Variants in EVC2 observed in about 807,000 individuals in gnomAD.
EVC2 encodes the protein EvC ciliary complex subunit 2.
A neutral mutation model predicts 149.3 loss-of-function variants in EVC2; 148 were observed. The observed-to-expected ratio is 0.99, with a 90% CI of 0.87 to 1.14. EVC2 has a LOEUF of 1.14. EVC2 is among the 50% of genes most tolerant of loss of function. The probability of loss-of-function intolerance (pLI) is 0.00; values close to 1 mark genes in which losing one functional copy is unlikely to be tolerated. For missense variants in EVC2, 1,854 were observed against 1,627.3 expected (o/e 1.14, Z -2.40); for synonymous variants, 776 against 649.9 (o/e 1.19, Z -2.95).
At chr4:5,543,484 TG>T (rs1397149119) in intron 21 of EVC2, among the ~76,000 whole-genome samples, 1 of 152,036 alleles carries the variant, frequency 6.6e-6, no homozygotes, top group Non-Finnish European at 1.5e-5. Flanking sequence ...TAGGAGTTGG[TG>T]GGGAGAGGTT....
intron 16 of EVC2, among the ~76,000 whole-genome samples, chr4:5,604,247 A>G (rs1714214620): frequency 6.6e-6 from 1 of 152,218 alleles, no homozygotes; most frequent in South Asian, 2.1e-4. Context: ...GTGAAATGCT[A>G]TGCCGCTGTG....
At chr4:5,555,049 C>T (rs1481627722) in intron 21 of EVC2, among the ~76,000 whole-genome samples, 1 of 89,326 alleles carries the variant, frequency 1.1e-5, no homozygotes, top group African/African-American at 4.4e-5. Flanking sequence ...TGTGTCTCTG[C>T]ACATGCATGT....
intron 9 of EVC2, among the ~76,000 whole-genome samples, chr4:5,652,085 C>A (rs1166289651): frequency 1.3e-5 from 2 of 152,194 alleles, no homozygotes; most frequent in African/African-American, 4.8e-5. Flanking sequence ...TGTGACCCAA[C>A]CGAGTTCACT....
intron 15 of EVC2, among the ~76,000 whole-genome samples, chr4:5,617,111 A>G (rs888918660): frequency 1.4e-4 from 21 of 150,842 alleles, no homozygotes; most frequent in African/African-American, 5.2e-4. Context: ...TAAAAAAAAA[A>G]TTAAAAGAAT....
chr4:5,552,878 T>C (rs1015692018), intron 21 of EVC2, among the ~76,000 whole-genome samples: 1 of 152,166 alleles, frequency 6.6e-6, no homozygotes, highest in Non-Finnish European at 1.5e-5. Context: ...TGATGATCTG[T>C]GCATACAGAG....
intron 21 of EVC2, among the ~76,000 whole-genome samples, chr4:5,550,933 C>T (rs1266855955): frequency 4.6e-5 from 7 of 152,194 alleles, no homozygotes; most frequent in East Asian, 1.9e-4. Flanking sequence ...TTGGCAGCCA[C>T]GTGGTGTTGA....
intron 10 of EVC2, among the ~76,000 whole-genome samples, chr4:5,634,137 C>A (rs1287484387): frequency 6.6e-6 from 1 of 152,194 alleles, no homozygotes; most frequent in Non-Finnish European, 1.5e-5. Flanking sequence ...TCTGTCAGGA[C>A]CCTTGCCCAT....
At chr4:5,685,064 G>A (rs752048102) in intron 6 of EVC2, among the ~76,000 whole-genome samples, 33 of 152,186 alleles carry the variant, frequency 2.2e-4, no homozygotes, top group Non-Finnish European at 1.3e-4. Context: ...GGTAACTACC[G>A]GTTAGTTGCT....
In EVC2 at chr4:5,568,582, C is replaced by G. The variant is rs779684008; in HGVS notation, c.3419G>C (p.Arg1140Pro). ...RMAMVPGATL[R>P]RLLSVVLPTA... is the part of the protein sequence containing the mutation. The stretch of plus-strand genomic sequence containing the variant: ...GGGCAGTACCACACTCAGGAGCCGG[C>G]GAAGCGTGGCCCCGGGCACCATGGC... The change falls in exon 20 of 22, where the codon CGC becomes CCC. Residue 1140 changes from arginine to proline, a missense_variant. Transcript: ENST00000344408. The G allele has an allele frequency of 1.2e-6, 2 of 1,607,788 alleles. No homozygotes were observed. The highest frequency in any genetic ancestry group is 1.7e-6 in the Non-Finnish European group (2 of 1,179,598).
chr4:5,703,074 G>A (rs1230550563), intron 1 of EVC2, among the ~76,000 whole-genome samples: 2 of 152,064 alleles, frequency 1.3e-5, no homozygotes, highest in African/African-American at 4.8e-5. Flanking sequence ...TAGGTTCATG[G>A]CAACTGTGAC....
chr4:5,576,495 G>C lies in EVC2; in HGVS notation c.3058-41C>G, dbSNP rs1200333406. 1.3e-6 allele frequency: 2 copies of C among 1,547,230 alleles called. No individual in the cohort carries two copies. Among genetic ancestry groups the C allele is most frequent in the Non-Finnish European group, 1.7e-6 (2 of 1,150,152 alleles). ...GCAGAGGGTAAGCACCACTGCACAA[G>C]GCGGGTGGGGTGGAGGACAAAATCT... On this transcript the variant is annotated intron_variant, in intron 17 of 21. Transcript: ENST00000344408. The surrounding 1 kb of genome is among the most constrained non-coding windows in gnomAD (Gnocchi z 4.5).
At chr4:5,683,382 T>C (rs1345979596) in intron 6 of EVC2, among the ~76,000 whole-genome samples, 3 of 152,206 alleles carry the variant, frequency 2.0e-5, no homozygotes, top group Non-Finnish European at 4.4e-5. Flanking sequence ...TGTCTTCAGC[T>C]CTTTGTGAAA....
intron 15 of EVC2, among the ~76,000 whole-genome samples, chr4:5,617,121 T>G (rs1008742967): frequency 6.6e-6 from 1 of 152,114 alleles, no homozygotes; most frequent in South Asian, 2.1e-4. Context: ...ATTAAAAGAA[T>G]GTCAAAGATT....
chr4:5,695,488 TC>T (rs529762508), intron 2 of EVC2, among the ~76,000 whole-genome samples: 47 of 152,280 alleles, frequency 3.1e-4, no homozygotes, highest in African/African-American at 1.1e-3. Context: ...GCTGTCAGGG[TC>T]CCTCTTCAGT....
chr4:5,583,961 G>A (rs1023127415), intron 17 of EVC2, among the ~76,000 whole-genome samples: 7 of 151,630 alleles, frequency 4.6e-5, no homozygotes, highest in African/African-American at 1.7e-4. Context: ...GGGTTCAAGC[G>A]ATTCTCCTGC....
At chr4:5,702,705 TAAG>T (rs946392295) in intron 1 of EVC2, among the ~76,000 whole-genome samples, 4 of 152,222 alleles carry the variant, frequency 2.6e-5, no homozygotes, top group African/African-American at 9.7e-5. Flanking sequence ...TCTCTCTTTG[TAAG>T]AAGAAGGGAT....
chr4:5,681,342 A>T, intron 6 of EVC2, 29 bp from the exon 7 acceptor site: 1 of 1,613,736 alleles, frequency 6.2e-7, no homozygotes, highest in South Asian at 1.1e-5. Context: ...AAACACTTTC[A>T]GCAACAGTTT....
intron 21 of EVC2, among the ~76,000 whole-genome samples, chr4:5,545,517 G>T (rs765005801): frequency 6.6e-6 from 1 of 152,192 alleles, no homozygotes; most frequent in Non-Finnish European, 1.5e-5. Context: ...GAGTTATCAG[G>T]AGGAAGCAGG....
upstream of EVC2, chr4:5,708,813 C>CA (rs1381262655): frequency 6.6e-6 from 2 of 303,896 alleles, no homozygotes; most frequent in African/African-American, 4.3e-5. Context: ...CCAAGGGCCC[C>CA]TCCGCTACCG....
Sources: allele counts gnomAD v4.1 joint callset (sites outside exome capture counted in the v4.1 genomes callset), GRCh38; gene constraint gnomAD v4.1.1; non-coding constraint Gnocchi (gnomAD v3.1); transcripts MANE v1.5; gene names NCBI Gene and HGNC (gene_info 2026-07-23, HGNC 2026-07-21).